VNN2: variants seen among roughly 807,000 people sequenced by gnomAD.
VNN2 encodes vanin 2, also known as pantetheine hydrolase VNN2.
In VNN2, 43 loss-of-function variants were observed where a neutral mutation model predicts 43.0. The ratio of observed to expected loss-of-function variants is 1.00; its 90% confidence interval spans 0.78 to 1.29. VNN2 has a LOEUF of 1.29. Among genes scored for constraint, VNN2 ranks in the 50% most tolerant of loss-of-function variants. VNN2 has a pLI of 0.00. For synonymous variants in VNN2, 230 were observed against 224.3 expected, an observed-to-expected ratio of 1.03 and a Z score of -0.23; for missense variants, 652 against 619.7, an observed-to-expected ratio of 1.05 and a Z score of -0.55.
chr6:132,756,167 A>G, intron 2 of VNN2, 132 bp from the exon 3 acceptor site: 2 of 843,656 alleles, frequency 2.4e-6, no homozygotes, highest in Non-Finnish European at 3.6e-6. Context: ...AAAATATCAT[A>G]CTTTAAAAGC....
chr6:132,754,626 A>G (rs1318164818), intron 3 of VNN2, among the ~76,000 whole-genome samples: 1 of 152,238 alleles, frequency 6.6e-6, no homozygotes, highest in African/African-American at 2.4e-5. Flanking sequence ...TACATCACAC[A>G]TATCCATTTA....
chr6:132,745,362 C>T (rs1282588210), intron 6 of VNN2, among the ~76,000 whole-genome samples: 6 of 152,158 alleles, frequency 3.9e-5, no homozygotes, highest in African/African-American at 4.8e-5. Context: ...ATTACAGGGG[C>T]GTGCCACCAA....
Position 132,757,505 on chromosome 6 carries a change from T to G in VNN2, c.255A>C (p.Gly85=). The change falls in exon 2 of 7, where the codon GGA becomes GGC. Residue 85 remains glycine, a synonymous_variant. Transcript: ENST00000326499. ...IIVTPEDALY[G]WKFTRETVFP... is the part of the protein sequence containing the mutation. ...AAACAGTTTCCCTGGTAAATTTCCA[T>G]CCATAAAGTGCATCTTCTGGAGTCA... is the stretch of plus-strand genomic sequence containing the variant. The G allele has an allele frequency of 6.2e-7, 1 of 1,614,060 alleles. No homozygotes were observed. Among genetic ancestry groups the G allele is most frequent in the African/African-American group, 1.3e-5 (1 of 75,030 alleles).
chr6:132,745,965 T>A (rs1315713512), intron 6 of VNN2, among the ~76,000 whole-genome samples: 1 of 152,212 alleles, frequency 6.6e-6, no homozygotes, highest in Non-Finnish European at 1.5e-5. Context: ...GCTTTACAAC[T>A]GGGAGGAGAA....
At chr6:132,758,006 C>G, upstream of VNN2, 1 of 145,610 alleles carries the variant, frequency 6.9e-6, no homozygotes, top group Non-Finnish European at 1.1e-5. Flanking sequence ...CATTTTTCTT[C>G]TTCTTCTTCT....
rs1294455472 is a variant in VNN2 at position 132,744,339 on chromosome 6, T to C, written c.1524A>G (p.Leu508=). 3.7e-6 allele frequency: 6 copies of C among 1,612,900 alleles called. No individual in the cohort carries two copies. The African/African-American group carries it at 8.0e-5, about 22-fold the overall frequency. ...TATTTTGCAAAGCTATGATCATTAATAATATGAATATTAGCAGGTAAGTTA... is the reference window on the plus strand; with the variant it reads ...TATTTTGCAAAGCTATGATCATTAACAATATGAATATTAGCAGGTAAGTTA... ...SAITYLLIFI[L]LMIIALQNIV... Residue 508 remains leucine, a synonymous_variant, in exon 7 of 7, where the codon TTA becomes TTG. Coordinates refer to ENST00000326499, the MANE Select transcript of VNN2 (RefSeq NM_004665.6).
In VNN2 at chr6:132,752,366, TC is replaced by T; in HGVS notation, c.826+94del. The T allele has an allele frequency of 2.1e-6, 3 of 1,434,142 alleles. No individual in the cohort carries two copies. In the South Asian group the frequency reaches 4.3e-5, roughly 21 times the overall value. The allele number at this position is 1,434,142 out of a possible 1,614,324, so 88.8% of individuals were successfully genotyped here. ...AACTATGACAAACACAGTAAGAATTTCCAATAAGCAAAAAATTAATACAAGT... is the reference window on the plus strand; with the variant it reads ...AACTATGACAAACACAGTAAGAATTTCAATAAGCAAAAAATTAATACAAGT... On this transcript the variant is annotated intron_variant, in intron 4 of 6. Coordinates refer to ENST00000326499, the MANE Select transcript of VNN2 (RefSeq NM_004665.6).
At chr6:132,753,390 G>A (rs1421439008) in intron 3 of VNN2, 1 of 402,222 alleles carries the variant, frequency 2.5e-6, no homozygotes, top group South Asian at 1.8e-5. Flanking sequence ...GCCTAGAAAC[G>A]TAATATTAAT....
At chr6:132,756,782 C>T (rs1029195611) in intron 2 of VNN2, among the ~76,000 whole-genome samples, 1 of 152,216 alleles carries the variant, frequency 6.6e-6, no homozygotes. Flanking sequence ...TGGTGTTTAA[C>T]ACCATCTATA....
chr6:132,756,334 A>T (rs879807586), intron 2 of VNN2, among the ~76,000 whole-genome samples: 1 of 152,168 alleles, frequency 6.6e-6, no homozygotes, highest in Non-Finnish European at 1.5e-5. Flanking sequence ...TTAAAAAATA[A>T]AATTAAAACC....
Position 132,752,513 on chromosome 6 carries a change from C to T in VNN2, c.774G>A (p.Met258Ile), listed in dbSNP as rs1405575156. Residue 258 changes from methionine (M) to isoleucine (I), a missense_variant, in exon 4 of 7, where the codon ATG becomes ATA. Transcript: ENST00000326499. ...IEFHSAWAMG[M>I]GVNLLVANTH... The stretch of plus-strand genomic sequence containing the variant: ...TGTTGGCCACAAGAAGATTAACTCC[C>T]ATTCCCATTGCCCAAGCTGAATGGA... The T allele has an allele frequency of 6.2e-7, 1 of 1,613,982 alleles. No homozygotes were observed. Among genetic ancestry groups the T allele is most frequent in the African/African-American group, 1.3e-5 (1 of 74,914 alleles).
chr6:132,759,452 A>AAAC (rs1780683178), upstream of VNN2, among the ~76,000 whole-genome samples: 1 of 138,698 alleles, frequency 7.2e-6, no homozygotes, highest in African/African-American at 2.5e-5. Flanking sequence ...AAAAAAAAAA[A>AAAC]AAAAAAAAAC....
chr6:132,752,218 C>A (rs1404634786), intron 4 of VNN2, among the ~76,000 whole-genome samples: 5 of 152,034 alleles, frequency 3.3e-5, no homozygotes, highest in Admixed American at 6.6e-5. Flanking sequence ...TTCTCATCTG[C>A]AAAATTGGGA....
rs370547573 is a variant in VNN2 at position 132,757,466 on chromosome 6, C to T, written c.294G>A (p.Glu98=). ...FTRETVFPYL[E]DIPDPQVNWI... is the part of the protein sequence containing the mutation. ...AGTTCACCTGAGGGTCTGGGATATC[C>T]TCCAGATAAGGGAAAACAGTTTCCC... is the stretch of plus-strand genomic sequence containing the variant. Residue 98 remains glutamate (E), a synonymous_variant, in exon 2 of 7, where the codon GAG becomes GAA. Coordinates refer to ENST00000326499, the MANE Select transcript of VNN2 (RefSeq NM_004665.6). The T allele has an allele frequency of 2.1e-5, 34 of 1,613,806 alleles. No individual in the cohort carries two copies. The highest frequency in any genetic ancestry group is 2.4e-5 in the Non-Finnish European group (28 of 1,179,938).
intron 1 of VNN2, among the ~76,000 whole-genome samples, chr6:132,763,183 G>A (rs139678051): frequency 2.6e-4 from 39 of 151,766 alleles, no homozygotes; most frequent in African/African-American, 7.0e-4. Flanking sequence ...AGAGACATGC[G>A]TTTGAAAGGG....
rs755266361 is a variant in VNN2, at chr6:132,752,456, A to T, written c.826+5T>A. On this transcript the variant is annotated splice_donor_5th_base_variant and intron_variant, in intron 4 of 6. Transcript: ENST00000326499. ...AAGATGAAACCTAACCTGGTCATGA[A>T]TTACCTGTCATATTTAGGCTGACAT... The T allele has an allele frequency of 1.2e-6, 2 of 1,609,676 alleles. No individual in the cohort carries two copies. The highest frequency in any genetic ancestry group is 2.2e-5 in the South Asian group (2 of 90,686).
chr6:132,757,768 T>C lies in VNN2; in HGVS notation c.116A>G (p.Asn39Ser). ...AVYEHAVILP[N>S]KTETPVSQED... ...CTGAGAAACTGGTGTTTCTGTTTTA[T>C]TTGGCAAAATGACAGCATGTTCATA... Residue 39 changes from asparagine to serine, a missense_variant, in exon 1 of 7, where the codon AAT becomes AGT. Coordinates refer to ENST00000326499, the MANE Select transcript of VNN2 (RefSeq NM_004665.6). The C allele has an allele frequency of 6.2e-7, 1 of 1,614,170 alleles. No individual in the cohort carries two copies. The highest frequency in any genetic ancestry group is 1.6e-4 in the Middle Eastern group (1 of 6,062).
chr6:132,748,797 G>A (rs1394424907), intron 6 of VNN2, among the ~76,000 whole-genome samples: 2 of 152,230 alleles, frequency 1.3e-5, no homozygotes, highest in Non-Finnish European at 1.5e-5. Context: ...GGGTGCAGTG[G>A]CACATGCCTT....
rs371416100 is a variant in VNN2 at position 132,757,785 on chromosome 6, A to G, written c.99T>C (p.His33=). 1 of 1,614,050 alleles carries G rather than the reference A, an allele frequency of 6.2e-7. No homozygotes were observed. The highest frequency in any genetic ancestry group is 1.3e-5 in the African/African-American group (1 of 74,910). The stretch of plus-strand genomic sequence containing the variant: ...CTGTTTTATTTGGCAAAATGACAGC[A>G]TGTTCATACACTGCAGCTATAAAAC... ...QDSFIAAVYE[H]AVILPNKTET... is the part of the protein sequence containing the mutation. Residue 33 remains histidine, a synonymous_variant, in exon 1 of 7, where the codon CAT becomes CAC. Transcript: ENST00000326499.
Sources: gnomAD v4.1 joint callset for allele counts (sites outside exome capture counted in the v4.1 genomes callset) on GRCh38, gnomAD v4.1.1 for gene constraint, MANE v1.5 for transcripts, NCBI Gene and HGNC (gene_info 2026-07-23, HGNC 2026-07-21) for gene names.